HSPA12A: variants seen among roughly 807,000 people sequenced by gnomAD.
HSPA12A encodes the protein heat shock 70 kDa protein 12A.
A neutral mutation model predicts 69.2 loss-of-function variants in HSPA12A; 28 were observed. That is an observed-to-expected ratio of 0.40 (90% CI 0.30 to 0.55). The LOEUF is 0.55. HSPA12A is among the 20% of genes least tolerant of loss of function. The pLI is 0.38. For synonymous variants in HSPA12A, 345 were observed against 370.5 expected, an observed-to-expected ratio of 0.93 and a Z score of 0.79; for missense variants, 686 against 900.7, an observed-to-expected ratio of 0.76 and a Z score of 3.05.
intron 6 of HSPA12A, among the ~76,000 whole-genome samples, chr10:116,689,858 G>A (rs968006729): frequency 5.3e-5 from 8 of 151,338 alleles, no homozygotes; most frequent in Non-Finnish European, 7.4e-5. Flanking sequence ...AGGAACTCCC[G>A]CTTACTCGGG....
At chr10:116,808,456 T>C (rs957816989) in intron 2 of HSPA12A, among the ~76,000 whole-genome samples, 1 of 152,144 alleles carries the variant, frequency 6.6e-6, no homozygotes, top group African/African-American at 2.4e-5. Flanking sequence ...GTGTGGTTTG[T>C]GCGTCTGTGG....
At chr10:116,837,516 C>G (rs1290200716) in intron 1 of HSPA12A, among the ~76,000 whole-genome samples, 1 of 152,006 alleles carries the variant, frequency 6.6e-6, no homozygotes, top group Non-Finnish European at 1.5e-5. Context: ...GAGAACTGAG[C>G]TATAAAAAAG....
intron 2 of HSPA12A, among the ~76,000 whole-genome samples, chr10:116,780,956 T>C (rs1170052461): frequency 6.6e-6 from 1 of 152,216 alleles, no homozygotes; most frequent in Non-Finnish European, 1.5e-5. Context: ...TCAAGTTCAC[T>C]GACCCTTTCA....
intron 2 of HSPA12A, among the ~76,000 whole-genome samples, chr10:116,706,375 G>C (rs1850249662): frequency 6.6e-6 from 1 of 152,038 alleles, no homozygotes; most frequent in South Asian, 2.1e-4. Flanking sequence ...TGCAAAGCTT[G>C]AAAACCACAG....
At chr10:116,845,041 A>G (rs1845857477) in intron 1 of HSPA12A, among the ~76,000 whole-genome samples, 1 of 152,142 alleles carries the variant, frequency 6.6e-6, no homozygotes, top group Non-Finnish European at 1.5e-5. Context: ...AGTAGGAGAG[A>G]TCCAAGATGG....
intron 2 of HSPA12A, among the ~76,000 whole-genome samples, chr10:116,822,829 C>T: frequency 6.6e-6 from 1 of 152,158 alleles, no homozygotes; most frequent in East Asian, 1.9e-4. Context: ...CACTCTCACT[C>T]CTAGACTAGA....
rs538773168 is a variant in HSPA12A at position 116,806,449 on chromosome 10, T to G, written c.91+28486A>C. Among the ~76,000 whole-genome samples the G allele has an allele frequency of 7.2e-4, 110 of 152,236 alleles. 2 individuals carry two copies. In the South Asian group the frequency reaches 0.022, roughly 31 times the overall value. On this transcript the variant is annotated intron_variant, in intron 2 of 12. Coordinates refer to the HSPA12A transcript ENST00000635765. Reference sequence around the variant, plus strand: ...CTGAAACTCCTGAGCTCAAGCAGTCTACCCACCTCGGCCTCCCAAAGTGCT... The same window carrying G: ...CTGAAACTCCTGAGCTCAAGCAGTCGACCCACCTCGGCCTCCCAAAGTGCT...
chr10:116,723,040 C>A lies in HSPA12A; in HGVS notation c.41-15755G>T, dbSNP rs1223655629. ...GAAGGGCTTCCCAGAGAGCCTTATACTCTCCCAGCTGGTGTCACTGCCTCC... is the reference window on the plus strand; with the variant it reads ...GAAGGGCTTCCCAGAGAGCCTTATAATCTCCCAGCTGGTGTCACTGCCTCC... On this transcript the variant is annotated intron_variant, in intron 1 of 11. Transcript: ENST00000369209. This position sits in a 1 kb window ranked among gnomAD's most constrained non-coding sequence, Gnocchi z 4.1. Among the ~76,000 whole-genome samples, 10 of 152,134 alleles carry A rather than the reference C, an allele frequency of 6.6e-5. No homozygotes were observed. The East Asian group carries it at 1.9e-3, about 29-fold the overall frequency.
chr10:116,706,241 A>G (rs1850245922), intron 2 of HSPA12A, among the ~76,000 whole-genome samples: 1 of 150,662 alleles, frequency 6.6e-6, no homozygotes, highest in South Asian at 2.1e-4. Flanking sequence ...TAACTCCCAC[A>G]GAACTCCAAA....
chr10:116,742,549 G>C lies in HSPA12A; in HGVS notation c.-80C>G. The C allele has an allele frequency of 8.5e-7, 1 of 1,174,000 alleles. No homozygotes were observed. The highest frequency in any genetic ancestry group is 1.1e-6 in the Non-Finnish European group (1 of 951,114). The allele number at this position is 1,174,000 out of a possible 1,614,324, so 72.7% of individuals were successfully genotyped here. A position where few individuals can be genotyped will look rare whatever the true frequency, so the allele number is the denominator to read the frequency against. ...GCGGGTCTCTGTCCGCGTCCGCGGC[G>C]GCGCTCGGGCCGTGTCTGAGCCGCC... is the stretch of plus-strand genomic sequence containing the variant. On this transcript the variant is annotated 5_prime_UTR_variant, in exon 1 of 12. Coordinates refer to ENST00000369209, the MANE Select transcript of HSPA12A (RefSeq NM_025015.3).
intron 2 of HSPA12A, among the ~76,000 whole-genome samples, chr10:116,766,557 T>C (rs1844080865): frequency 6.6e-6 from 1 of 152,116 alleles, no homozygotes; most frequent in Non-Finnish European, 1.5e-5. Flanking sequence ...GACTGCCTGG[T>C]CCCCTTCTTG....
intron 1 of HSPA12A, chr10:116,849,544 G>A (rs1467963035): frequency 3.7e-5 from 56 of 1,510,068 alleles, no homozygotes; most frequent in Non-Finnish European, 4.8e-5. Context: ...GCTAAACCCC[G>A]CTGTAGCCTT....
intron 2 of HSPA12A, among the ~76,000 whole-genome samples, chr10:116,809,780 T>C (rs1381289017): frequency 1.3e-5 from 2 of 152,152 alleles, no homozygotes; most frequent in Non-Finnish European, 2.9e-5. Flanking sequence ...GACCCTTTCC[T>C]AAAAAGAGGA....
intron 6 of HSPA12A, among the ~76,000 whole-genome samples, chr10:116,688,173 C>A (rs1396463447): frequency 1.3e-5 from 2 of 152,172 alleles, no homozygotes; most frequent in African/African-American, 2.4e-5. Flanking sequence ...CAGCAACGCT[C>A]AGTTCTTCTT....
chr10:116,735,505 T>A (rs1300993504), intron 1 of HSPA12A, among the ~76,000 whole-genome samples: 1 of 152,106 alleles, frequency 6.6e-6, no homozygotes, highest in Non-Finnish European at 1.5e-5. Flanking sequence ...TGAGCTTGCC[T>A]CTTAGAGGAT....
In HSPA12A at chr10:116,674,255, A is replaced by G. The variant is rs1001529409; in HGVS notation, c.*526T>C. On this transcript the variant is annotated 3_prime_UTR_variant, in exon 12 of 12. Coordinates refer to ENST00000369209, the MANE Select transcript of HSPA12A (RefSeq NM_025015.3). The stretch of plus-strand genomic sequence containing the variant: ...TCTACCACCAGCTAAAAACATTCCC[A>G]GTTCCCACTGAATCACCACTTTTAA... 3.1e-5 allele frequency: 5 copies of G among 159,602 alleles called. No homozygotes were observed. Among genetic ancestry groups the G allele is most frequent in the Admixed American group, 1.7e-4 (3 of 17,200 alleles). 9.9% of individuals were successfully genotyped at this position (159,602 alleles called of 1,614,324 possible).
intron 5 of HSPA12A, among the ~76,000 whole-genome samples, chr10:116,693,323 C>A (rs183248075): frequency 2.0e-5 from 3 of 152,190 alleles, no homozygotes; most frequent in Non-Finnish European, 4.4e-5. Context: ...AGGGGCTGGG[C>A]AGAAGCATCA....
At chr10:116,835,256 A>T (rs945427895) in intron 1 of HSPA12A, 1 of 258,370 alleles carries the variant, frequency 3.9e-6, no homozygotes, top group African/African-American at 2.2e-5. Flanking sequence ...AGATGTTTTC[A>T]TCTGCAAGAC....
At chr10:116,812,992 C>G (rs750069722) in intron 2 of HSPA12A, among the ~76,000 whole-genome samples, 2 of 152,120 alleles carry the variant, frequency 1.3e-5, no homozygotes, top group Non-Finnish European at 1.5e-5. Context: ...GAAGCTAAGA[C>G]GTTAAGCAGG....
Sources: allele counts gnomAD v4.1 joint callset (sites outside exome capture counted in the v4.1 genomes callset), GRCh38; gene constraint gnomAD v4.1.1; non-coding constraint Gnocchi (gnomAD v3.1); transcripts MANE v1.5; gene names NCBI Gene and HGNC (gene_info 2026-07-23, HGNC 2026-07-21).